Variants in KIAA1549 observed in about 807,000 individuals in gnomAD.
KIAA1549 encodes UPF0606 protein KIAA1549.
Under a neutral mutation model 156.4 loss-of-function variants are expected in KIAA1549, and 70 were observed. That is an observed-to-expected ratio of 0.45 (90% CI 0.37 to 0.55). The LOEUF (loss-of-function observed/expected upper bound fraction) is 0.55, where lower values mean the gene tolerates loss of function less well. Among genes scored for constraint, KIAA1549 ranks in the 20% least tolerant of loss-of-function variants. The probability of loss-of-function intolerance (pLI) is 0.00; values close to 1 mark genes in which losing one functional copy is unlikely to be tolerated. For missense variants in KIAA1549, 2,428 were observed against 2,540.9 expected (o/e 0.96, Z 0.96); for synonymous variants, 1,103 against 1,066.4 (o/e 1.03, Z -0.67).
rs749938588 is a variant in KIAA1549, at chr7:138,832,191, CTTTTTTTT to C, written c.*5707_*5714del. 1.3e-4 allele frequency: 19 copies of C among 143,766 alleles called. No homozygotes were observed. The highest frequency in any genetic ancestry group is 3.0e-4 in the African/African-American group (9 of 29,990). The allele number at this position is 143,766 out of a possible 1,614,324, so 8.9% of individuals were successfully genotyped here. Reference sequence around the variant, plus strand: ...TCACCTCTGTCCCTTTTACCTATTCCTTTTTTTTTTTTTTTTTTTTCCAGAGACAGGAC... The same window carrying C: ...TCACCTCTGTCCCTTTTACCTATTCCTTTTTTTTTTTTCCAGAGACAGGAC... On this transcript the variant is annotated 3_prime_UTR_variant, in exon 20 of 20. Transcript: ENST00000422774.
At position 138,917,174 on chromosome 7, in the gene KIAA1549, G is replaced by A. The variant is rs574721519; in HGVS notation, c.2452C>T (p.Leu818=). The A allele has an allele frequency of 1.2e-6, 2 of 1,613,944 alleles. No homozygotes were observed. Among genetic ancestry groups the A allele is most frequent in the South Asian group, 2.2e-5 (2 of 91,076 alleles). The change falls in exon 2 of 20, where the codon CTA becomes TTA. Residue 818 remains leucine (L), a synonymous_variant. Transcript: ENST00000422774. The stretch of plus-strand genomic sequence containing the variant: ...GCCAGGACAGACACGTGACCGTCTA[G>A]AGCACTGATTTGGTCGTCAGGAGGT... The part of the protein sequence containing the change: ...LTPPDDQISA[L]DGHVSVLASF...
At chr7:138,890,299 C>A (rs1282487592) in intron 10 of KIAA1549, among the ~76,000 whole-genome samples, 2 of 152,214 alleles carry the variant, frequency 1.3e-5, no homozygotes, top group Non-Finnish European at 2.9e-5. Context: ...TCGGGTTAGC[C>A]TGAGCCCCTG....
intron 1 of KIAA1549, among the ~76,000 whole-genome samples, chr7:138,952,408 GGGAAATGA>G (rs781246263): frequency 5.3e-4 from 80 of 152,250 alleles, no homozygotes; most frequent in Non-Finnish European, 9.9e-4. Context: ...GAACCCTAAG[GGGAAATGA>G]GTTTGAGAGC....
chr7:138,871,822 C>T (rs760919858), intron 12 of KIAA1549, among the ~76,000 whole-genome samples: 2 of 152,170 alleles, frequency 1.3e-5, no homozygotes, highest in Non-Finnish European at 2.9e-5. Flanking sequence ...CAATGTCGTA[C>T]TACAGAGAAA....
At chr7:138,954,998 G>A (rs1050664179) in intron 1 of KIAA1549, among the ~76,000 whole-genome samples, 2 of 152,104 alleles carry the variant, frequency 1.3e-5, no homozygotes, top group Admixed American at 6.6e-5. Context: ...AGCAGGCCTC[G>A]GATTAAGTCC....
chr7:138,874,399 AC>A (rs1380660562), intron 12 of KIAA1549, among the ~76,000 whole-genome samples: 8 of 152,226 alleles, frequency 5.3e-5, no homozygotes, highest in Non-Finnish European at 8.8e-5. Context: ...AAGTGTTATC[AC>A]AAAAAATAAG....
At chr7:138,973,380 C>A (rs139823925) in intron 1 of KIAA1549, among the ~76,000 whole-genome samples, 1 of 152,258 alleles carries the variant, frequency 6.6e-6, no homozygotes, top group East Asian at 1.9e-4. Context: ...GCCCTCATCC[C>A]ATCCTTCAAG....
At chr7:138,956,812 T>C (rs1349292863) in intron 1 of KIAA1549, among the ~76,000 whole-genome samples, 1 of 152,206 alleles carries the variant, frequency 6.6e-6, no homozygotes, top group Non-Finnish European at 1.5e-5. Flanking sequence ...ATTTACCTAT[T>C]TAATTGTTAA....
At chr7:138,957,302 T>C (rs1490950027) in intron 1 of KIAA1549, among the ~76,000 whole-genome samples, 1 of 152,080 alleles carries the variant, frequency 6.6e-6, no homozygotes, top group Non-Finnish European at 1.5e-5. Flanking sequence ...AGGCACCACA[T>C]GGTCCTAATC....
chr7:138,972,970 C>T (rs528994735), intron 1 of KIAA1549, among the ~76,000 whole-genome samples: 1 of 152,144 alleles, frequency 6.6e-6, no homozygotes, highest in East Asian at 1.9e-4. Context: ...TGCAGGCACC[C>T]GCCACCACAC....
chr7:138,854,529 T>A (rs990570132), intron 16 of KIAA1549, among the ~76,000 whole-genome samples: 1 of 152,200 alleles, frequency 6.6e-6, no homozygotes, highest in African/African-American at 2.4e-5. Flanking sequence ...GAAATCCACA[T>A]TCCTGTGGTT....
chr7:138,844,256 A>G (rs1810004415), intron 18 of KIAA1549, 61 bp downstream of exon 18: 29 of 1,593,906 alleles, frequency 1.8e-5, no homozygotes, highest in Non-Finnish European at 2.5e-5. Flanking sequence ...CACCTAAAAT[A>G]AAGTTTCTTT....
At chr7:138,841,579 C>G (rs893018408) in intron 18 of KIAA1549, among the ~76,000 whole-genome samples, 16 of 152,304 alleles carry the variant, frequency 1.1e-4, no homozygotes, top group Non-Finnish European at 1.6e-4. Flanking sequence ...AAATAGAATA[C>G]TTATTTCTAA....
At chr7:138,911,656 A>T (rs1812173230) in intron 3 of KIAA1549, among the ~76,000 whole-genome samples, 1 of 152,246 alleles carries the variant, frequency 6.6e-6, no homozygotes, top group Non-Finnish European at 1.5e-5. Context: ...TGCAATTTAA[A>T]AATTTCTAGT....
rs1210389650 is a variant in KIAA1549 at position 138,917,315 on chromosome 7, G to A, written c.2311C>T (p.Pro771Ser). Residue 771 changes from proline (P) to serine (S), a missense_variant, in exon 2 of 20, where the codon CCC (proline) becomes TCC (serine). Physicochemically the swap from Pro to Ser is moderately conservative, Grantham distance 74. Coordinates refer to ENST00000422774, the MANE Select transcript of KIAA1549 (RefSeq NM_001164665.2). ...ATGTCAAAAGACTCAGAGCCGGGGG[G>A]CACCAGTGCAGTGACTGCGGATTCA... ...SHESAVTALV[P>S]PGSESFDILT... The A allele has an allele frequency of 1.9e-6, 3 of 1,613,874 alleles. No individual in the cohort carries two copies. The highest frequency in any genetic ancestry group is 2.2e-5 in the East Asian group (1 of 44,880).
At chr7:138,854,615 C>T (rs779365314) in intron 16 of KIAA1549, among the ~76,000 whole-genome samples, 8 of 151,998 alleles carry the variant, frequency 5.3e-5, no homozygotes, top group Non-Finnish European at 1.0e-4. Context: ...GCAACATTAA[C>T]TTTACAATCC....
intron 1 of KIAA1549, among the ~76,000 whole-genome samples, chr7:138,977,768 C>T (rs541294101): frequency 1.3e-3 from 194 of 152,198 alleles, no homozygotes; most frequent in Non-Finnish European, 2.0e-3. Context: ...GGCGCCATCT[C>T]GGCTCACTGC....
chr7:138,922,665 T>C (rs1308846375), intron 1 of KIAA1549, among the ~76,000 whole-genome samples: 1 of 151,846 alleles, frequency 6.6e-6, no homozygotes, highest in Non-Finnish European at 1.5e-5. Flanking sequence ...AAAACAGCAA[T>C]TTAGACAGAG....
At chr7:138,979,710 C>T (rs1187578844) in intron 1 of KIAA1549, among the ~76,000 whole-genome samples, 1 of 152,148 alleles carries the variant, frequency 6.6e-6, no homozygotes, top group East Asian at 1.9e-4. Flanking sequence ...AGGACTGAGA[C>T]GGGAGGTCCT....
Sources: allele counts gnomAD v4.1 joint callset (sites outside exome capture counted in the v4.1 genomes callset), GRCh38; gene constraint gnomAD v4.1.1; transcripts MANE v1.5; gene names NCBI Gene and HGNC (gene_info 2026-07-23, HGNC 2026-07-21).